The following HDAC9 variants were observed in gnomAD, a reference collection of about 807,000 sequenced individuals.
HDAC9 encodes MEF-2 interacting transcription repressor (MITR) protein.
Under a neutral mutation model 139.4 loss-of-function variants are expected in HDAC9, and 41 were observed. The observed-to-expected ratio is 0.29, with a 90% CI of 0.23 to 0.38. The LOEUF is 0.38. HDAC9 is among the 10% of genes least tolerant of loss of function. The probability of loss-of-function intolerance (pLI) is 1.00; values close to 1 mark genes in which losing one functional copy is unlikely to be tolerated. For synonymous variants in HDAC9, 517 were observed against 476.2 expected (o/e 1.09, Z -1.12); for missense variants, 1,147 against 1,297.0 (o/e 0.88, Z 1.78).
chr7:18,233,509 G>C (rs575709970), intron 2 of HDAC9, among the ~76,000 whole-genome samples: 34 of 151,504 alleles, frequency 2.2e-4, no homozygotes, highest in African/African-American at 7.0e-4. Context: ...CTAAACTATG[G>C]ATTAAATAGT....
chr7:18,419,398 C>T (rs10247959), intron 1 of HDAC9, among the ~76,000 whole-genome samples: 7,027 of 152,212 alleles, frequency 0.046, 291 homozygotes, highest in East Asian at 0.18. Context: ...AGTAACTGCT[C>T]AAGGTTTCAC....
chr7:18,448,335 TAAG>T (rs1365901623), intron 1 of HDAC9, among the ~76,000 whole-genome samples: 1 of 152,220 alleles, frequency 6.6e-6, no homozygotes. Flanking sequence ...GTTTAATCCT[TAAG>T]AATATGTTCT....
intron 1 of HDAC9, among the ~76,000 whole-genome samples, chr7:18,441,143 CT>C (rs1365399549): frequency 6.6e-6 from 1 of 152,164 alleles, no homozygotes; most frequent in Non-Finnish European, 1.5e-5. Flanking sequence ...ACTCAAAGTT[CT>C]TTCTTAGGTC....
intron 22 of HDAC9, among the ~76,000 whole-genome samples, chr7:18,886,760 CAAAAT>C (rs1800191400): frequency 6.6e-6 from 1 of 152,082 alleles, no homozygotes; most frequent in African/African-American, 2.4e-5. Context: ...ATTAAAATAA[CAAAAT>C]GAACAAAAAA....
At chr7:18,369,385 C>T (rs889260182) in intron 1 of HDAC9, among the ~76,000 whole-genome samples, 37 of 151,994 alleles carry the variant, frequency 2.4e-4, no homozygotes, top group Admixed American at 2.4e-3. Context: ...AACATGCTTA[C>T]CATGTTCTCT....
At chr7:18,482,634 A>G (rs907626614) in intron 1 of HDAC9, among the ~76,000 whole-genome samples, 3 of 152,094 alleles carry the variant, frequency 2.0e-5, no homozygotes, top group Admixed American at 6.5e-5. Context: ...TAACTGAGCA[A>G]TGCCCTTATT....
chr7:18,423,489 T>A (rs530146612), intron 1 of HDAC9, among the ~76,000 whole-genome samples: 1 of 152,254 alleles, frequency 6.6e-6, no homozygotes, highest in Non-Finnish European at 1.5e-5. Context: ...GAAGCACTAT[T>A]TTCATTTTCT....
intron 16 of HDAC9, among the ~76,000 whole-genome samples, chr7:18,782,043 G>C (rs565849880): frequency 1.3e-5 from 2 of 152,078 alleles, no homozygotes; most frequent in Non-Finnish European, 2.9e-5. Flanking sequence ...GTTGAGTCTG[G>C]TGTCTGTCAA....
chr7:18,631,276 A>T (rs1177688913), intron 7 of HDAC9, among the ~76,000 whole-genome samples: 5 of 152,124 alleles, frequency 3.3e-5, no homozygotes, highest in Non-Finnish European at 7.4e-5. Context: ...AACAATATGT[A>T]TTGGAAGAGA....
intron 1 of HDAC9, among the ~76,000 whole-genome samples, chr7:18,442,929 G>T (rs901588047): frequency 6.6e-6 from 1 of 152,142 alleles, no homozygotes; most frequent in Non-Finnish European, 1.5e-5. Flanking sequence ...TATATTTGGG[G>T]CTTCAACTAC....
chr7:18,447,205 CAGAG>C (rs1172811060), intron 1 of HDAC9, among the ~76,000 whole-genome samples: 13 of 152,086 alleles, frequency 8.5e-5, no homozygotes, highest in Admixed American at 3.3e-4. Flanking sequence ...CAAAAAATAA[CAGAG>C]AGTTTAAAAT....
chr7:18,102,038 G>T (rs971181755), intron 1 of HDAC9, among the ~76,000 whole-genome samples: 1 of 152,160 alleles, frequency 6.6e-6, no homozygotes, highest in Non-Finnish European at 1.5e-5. Context: ...TTGTTCATAT[G>T]TCAAGCAATA....
intron 2 of HDAC9, among the ~76,000 whole-genome samples, chr7:18,212,818 C>G (rs1792041599): frequency 6.6e-6 from 1 of 152,166 alleles, no homozygotes; most frequent in Non-Finnish European, 1.5e-5. Flanking sequence ...AAACCTTTTC[C>G]TAATCAAAGT....
intron 1 of HDAC9, among the ~76,000 whole-genome samples, chr7:18,404,455 C>T (rs1386196803): frequency 6.6e-6 from 1 of 152,160 alleles, no homozygotes; most frequent in Non-Finnish European, 1.5e-5. Flanking sequence ...TAGGATTACG[C>T]TAGACTGTAA....
intron 22 of HDAC9, among the ~76,000 whole-genome samples, chr7:18,911,268 G>C (rs1253603427): frequency 6.6e-6 from 1 of 151,238 alleles, no homozygotes. Flanking sequence ...TTGTTGCATA[G>C]TTGTACAGTT....
At chr7:18,668,911 G>A (rs970269664) in intron 12 of HDAC9, 15 of 980,502 alleles carry the variant, frequency 1.5e-5, no homozygotes, top group Non-Finnish European at 1.5e-5. Flanking sequence ...TTGCACACTA[G>A]ATCTCATATA....
chr7:18,257,390 CTCTGTCTCTCCCA>C (rs2128204296), intron 2 of HDAC9, among the ~76,000 whole-genome samples: 7 of 142,436 alleles, frequency 4.9e-5, no homozygotes, highest in Admixed American at 1.4e-4. Context: ...CTCTCTCTCT[CTCTGTCTCTCCCA>C]CACACACACA....
At chr7:18,794,162 A>G (rs978167462) in intron 17 of HDAC9, among the ~76,000 whole-genome samples, 2 of 152,180 alleles carry the variant, frequency 1.3e-5, no homozygotes, top group Admixed American at 6.5e-5. Context: ...CAGTTACCCC[A>G]ATAAACTTTG....
intron 16 of HDAC9, among the ~76,000 whole-genome samples, chr7:18,791,701 C>T (rs1200741321): frequency 6.6e-6 from 1 of 152,122 alleles, no homozygotes; most frequent in African/African-American, 2.4e-5. Flanking sequence ...GGTCAGAGTT[C>T]TGTGTGAGAG....
Sources: allele counts gnomAD v4.1 joint callset (sites outside exome capture counted in the v4.1 genomes callset), GRCh38; gene constraint gnomAD v4.1.1; transcripts MANE v1.5; gene names NCBI Gene and HGNC (gene_info 2026-07-23, HGNC 2026-07-21).